Variants in GRB10 observed in about 807,000 individuals in gnomAD.
The protein encoded by GRB10 is growth factor receptor-bound protein 10.
GRB10 carries 20 observed loss-of-function variants against 80.9 expected under a neutral mutation model. That is an observed-to-expected ratio of 0.25 (90% confidence interval 0.17 to 0.36). GRB10 has a LOEUF of 0.36. Ranked by LOEUF, GRB10 falls within the 10% of genes least tolerant of loss-of-function variation. The probability of loss-of-function intolerance (pLI) is 1.00; values close to 1 mark genes in which losing one functional copy is unlikely to be tolerated. For synonymous variants in GRB10, 291 were observed against 291.5 expected (o/e 1.00, Z 0.02); for missense variants, 548 against 747.7 (o/e 0.73, Z 3.12).
At chr7:50,676,915 G>T (rs896890506) in intron 5 of GRB10, among the ~76,000 whole-genome samples, 1 of 152,204 alleles carries the variant, frequency 6.6e-6, no homozygotes, top group Admixed American at 6.5e-5. Context: ...GGAGGCTGCT[G>T]AAATGGCAGC....
rs187873787 is a variant in GRB10 at position 50,647,070 on chromosome 7, C to A, written c.505-20092G>T. Among the ~76,000 whole-genome samples, 3 of 152,196 alleles carry A rather than the reference C, an allele frequency of 2.0e-5. No individual in the cohort carries two copies. In the South Asian group the frequency reaches 6.2e-4, roughly 31 times the overall value. The stretch of plus-strand genomic sequence containing the variant: ...AAATGTGCCTATTAATGGAAGAAAG[C>A]TCATTTAGGCATGAAGAGTCCAATT... On this transcript the variant is annotated intron_variant, in intron 7 of 18. Coordinates refer to ENST00000401949, the MANE Select transcript of GRB10 (RefSeq NM_001350814.2).
At chr7:50,756,093 G>A in intron 2 of GRB10, 37 bp from the exon 3 acceptor site, 1 of 398,644 alleles carries the variant, frequency 2.5e-6, no homozygotes, top group Non-Finnish European at 4.4e-6. Flanking sequence ...AACTTCCGTA[G>A]AATTTATACA....
Position 50,754,552 on chromosome 7 carries a change from C to T in GRB10, c.-47+1335G>A, listed in dbSNP as rs373321240. Among the ~76,000 whole-genome samples, 41 of 152,288 alleles carry T rather than the reference C, an allele frequency of 2.7e-4. No individual in the cohort carries two copies. The East Asian group carries it at 4.2e-3, about 16-fold the overall frequency. On this transcript the variant is annotated intron_variant, in intron 3 of 18. Transcript: ENST00000401949. ...GCACAGACTCTCAGAAAAAAAGCAA[C>T]GGCAGTGTGAGCTGTCTGGAGAGAA...
chr7:50,728,598 C>T (rs1230233216), intron 4 of GRB10, among the ~76,000 whole-genome samples: 1 of 152,198 alleles, frequency 6.6e-6, no homozygotes, highest in Non-Finnish European at 1.5e-5. Context: ...GGGTCAAACA[C>T]TACCCAACTC....
At chr7:50,765,596 T>C (rs2076259048) in intron 2 of GRB10, among the ~76,000 whole-genome samples, 1 of 152,164 alleles carries the variant, frequency 6.6e-6, no homozygotes, top group Non-Finnish European at 1.5e-5. Flanking sequence ...GTGGATCTCA[T>C]GAAGACAGAG....
intron 3 of GRB10, among the ~76,000 whole-genome samples, chr7:50,737,469 CT>C (rs2070995168): frequency 6.6e-6 from 1 of 152,240 alleles, no homozygotes; most frequent in African/African-American, 2.4e-5. Context: ...CCTGTACAGC[CT>C]GCGGAACTGT....
intron 3 of GRB10, among the ~76,000 whole-genome samples, 171 bp downstream of exon 3, chr7:50,755,716 G>C (rs2074974328): frequency 6.6e-6 from 1 of 152,206 alleles, no homozygotes. Flanking sequence ...GGAGGAGAGG[G>C]AGAGAGAGGA....
At chr7:50,699,441 A>G (rs1190174268) in intron 5 of GRB10, among the ~76,000 whole-genome samples, 2 of 152,232 alleles carry the variant, frequency 1.3e-5, no homozygotes, top group African/African-American at 4.8e-5. Flanking sequence ...AGTTGAGTAC[A>G]AATTTTGTTA....
rs541189782 is a variant in GRB10 at position 50,596,591 on chromosome 7, G to A, written c.1545-1061C>T. On this transcript the variant is annotated intron_variant, in intron 17 of 18. Transcript: ENST00000401949. ...TATAGATTAGACAATGAACTGCGTC[G>A]TCAATGTTAACTTCCTGGTTTTTAT... 2.2e-4 allele frequency among the ~76,000 whole-genome samples: 34 copies of A among 152,310 alleles called. No homozygotes were observed. The East Asian group carries it at 2.3e-3, about 10-fold the overall frequency.
intron 6 of GRB10, among the ~76,000 whole-genome samples, chr7:50,674,216 A>G (rs996512043): frequency 6.6e-6 from 1 of 152,182 alleles, no homozygotes; most frequent in Non-Finnish European, 1.5e-5. Context: ...GCACTCAATA[A>G]AAGGTACTAC....
chr7:50,739,316 G>C (rs1184242573), intron 3 of GRB10, among the ~76,000 whole-genome samples: 1 of 152,182 alleles, frequency 6.6e-6, no homozygotes, highest in Non-Finnish European at 1.5e-5. Flanking sequence ...TGAAACTCTA[G>C]AGTCTAGCAG....
intron 5 of GRB10, among the ~76,000 whole-genome samples, chr7:50,680,424 C>T (rs1272973105): frequency 2.6e-5 from 4 of 152,194 alleles, no homozygotes; most frequent in African/African-American, 9.7e-5. Flanking sequence ...AAACACATAT[C>T]AACAAACTGA....
intron 17 of GRB10, among the ~76,000 whole-genome samples, chr7:50,600,298 A>G (rs879431859): frequency 6.6e-6 from 1 of 152,228 alleles, no homozygotes; most frequent in Non-Finnish European, 1.5e-5. Context: ...GAAACTTTAG[A>G]GGAGAAACAT....
At chr7:50,636,385 C>T (rs1365422070) in intron 7 of GRB10, among the ~76,000 whole-genome samples, 1 of 152,108 alleles carries the variant, frequency 6.6e-6, no homozygotes, top group African/African-American at 2.4e-5. Context: ...TCTACAAAAC[C>T]AGTATCACCC....
intron 5 of GRB10, among the ~76,000 whole-genome samples, chr7:50,689,610 G>A (rs754649065): frequency 9.9e-5 from 15 of 152,178 alleles, no homozygotes; most frequent in Non-Finnish European, 1.5e-5. Flanking sequence ...CTGCTCCTCA[G>A]AGGATCACTG....
chr7:50,674,387 G>A lies in GRB10; in HGVS notation c.362+49C>T, dbSNP rs371243526. 69 of 1,548,550 alleles carry A rather than the reference G, an allele frequency of 4.5e-5. 1 individual carries two copies. Among genetic ancestry groups the A allele is most frequent in the African/African-American group, 6.8e-5 (5 of 73,820 alleles). On this transcript the variant is annotated intron_variant, in intron 6 of 18. Transcript: ENST00000401949. ...ACTCACAGAGAGCAGTGTCCCTGCC[G>A]ACAGCTCTCATCCTTGGAGAAGGCT...
intron 1 of GRB10, chr7:50,793,112 C>A (rs1483030143): frequency 2.1e-5 from 3 of 144,384 alleles, no homozygotes; most frequent in Non-Finnish European, 4.6e-5. Context: ...CCGGCCGCGG[C>A]CGCCCAGCGC....
In GRB10 at chr7:50,669,846, T is replaced by A; in HGVS notation, c.380A>T (p.Asp127Val). 1 of 1,612,916 alleles carries A rather than the reference T, an allele frequency of 6.2e-7. No individual in the cohort carries two copies. Among genetic ancestry groups the A allele is most frequent in the South Asian group, 1.1e-5 (1 of 90,788 alleles). Reference protein sequence around the residue: ...ILAVRRLQEEDQQFRTSSLPA... With the variant: ...ILAVRRLQEEVQQFRTSSLPA... ...CAGAGATGAGGTTCTAAACTGCTGG[T>A]CTTCCTCCTGAAGGCGCCTGGAAGG... The change falls in exon 7 of 19, where the codon GAC (aspartate) becomes GTC (valine). Residue 127 changes from aspartate (D) to valine (V), a missense_variant. Coordinates refer to ENST00000401949, the MANE Select transcript of GRB10 (RefSeq NM_001350814.2).
intron 2 of GRB10, among the ~76,000 whole-genome samples, chr7:50,776,759 A>C (rs2077696435): frequency 6.6e-6 from 1 of 152,174 alleles, no homozygotes; most frequent in Non-Finnish European, 1.5e-5. Flanking sequence ...GTTTCCAATA[A>C]GATATTCATT....
Sources: gnomAD v4.1 joint callset for allele counts (sites outside exome capture counted in the v4.1 genomes callset) on GRCh38, gnomAD v4.1.1 for gene constraint, MANE v1.5 for transcripts, NCBI Gene and HGNC (gene_info 2026-07-23, HGNC 2026-07-21) for gene names.